LYRM4: variants seen among roughly 807,000 people sequenced by gnomAD.
LYRM4 encodes the protein LYR motif-containing protein 4.
In LYRM4, 9 loss-of-function variants were observed where a neutral mutation model predicts 11.7. The ratio of observed to expected loss-of-function variants is 0.77; its 90% CI spans 0.46 to 1.34. The LOEUF (loss-of-function observed/expected upper bound fraction) is 1.34. Ranked by LOEUF, LYRM4 falls within the 40% of genes most tolerant of loss-of-function variation. The pLI is 0.00. For missense variants in LYRM4, 133 were observed against 112.5 expected (o/e 1.18, Z -0.82); for synonymous variants, 42 against 40.4 (o/e 1.04, Z -0.15).
the LYRM4 span, among the ~76,000 whole-genome samples, chr6:5,064,084 GT>G: frequency 1.3e-5 from 2 of 152,176 alleles, no homozygotes; most frequent in African/African-American, 4.8e-5. Flanking sequence ...CTCAACTTGT[GT>G]TTGGCTTTTG....
chr6:5,086,411 G>A, the LYRM4 span: 8 of 1,536,262 alleles, frequency 5.2e-6, no homozygotes, highest in Admixed American at 2.0e-5. Context: ...CTGCCCCCGG[G>A]CCTGCAGCCT....
intron 2 of LYRM4, among the ~76,000 whole-genome samples, chr6:5,204,724 C>G (rs1581501257): frequency 6.6e-6 from 1 of 152,224 alleles, no homozygotes; most frequent in South Asian, 2.1e-4. Flanking sequence ...ACAGATCCTC[C>G]CGTGACTTGT....
chr6:5,228,960 C>G (rs9502281), intron 1 of LYRM4, among the ~76,000 whole-genome samples: 1 of 144,360 alleles, frequency 6.9e-6, no homozygotes, highest in Non-Finnish European at 1.5e-5. Flanking sequence ...GCCAAGATCA[C>G]GCCACTGCAC....
At chr6:5,064,183 C>A in the LYRM4 span, among the ~76,000 whole-genome samples, 723 of 146,842 alleles carry the variant, frequency 4.9e-3, 4 homozygotes, top group Non-Finnish European at 8.2e-3. Flanking sequence ...GGAATTTTAT[C>A]CCATCTGCTG....
chr6:5,119,335 C>T (rs1411199897), intron 2 of LYRM4, among the ~76,000 whole-genome samples: 2 of 152,156 alleles, frequency 1.3e-5, no homozygotes, highest in African/African-American at 4.8e-5. Flanking sequence ...AGCATGCCCA[C>T]ACGTCCAGTC....
chr6:5,093,215 T>C, the LYRM4 span, among the ~76,000 whole-genome samples: 1 of 152,266 alleles, frequency 6.6e-6, no homozygotes, highest in African/African-American at 2.4e-5. Flanking sequence ...GATGAATTTA[T>C]GTATTGGTGC....
chr6:5,109,354 C>G lies in LYRM4; in HGVS notation c.*69G>C. 6.2e-7 allele frequency: 1 copy of G among 1,605,506 alleles called. No homozygotes were observed. The highest frequency in any genetic ancestry group is 1.3e-5 in the African/African-American group (1 of 74,902). On this transcript the variant is annotated 3_prime_UTR_variant, in exon 3 of 3. Transcript: ENST00000330636. The stretch of plus-strand genomic sequence containing the variant: ...CTATTGTAAGCTGGTTTTGGGAGCC[C>G]CCATCTCAAACAGAGAGTGGATGCT...
chr6:5,196,149 C>G (rs1761040533), intron 2 of LYRM4, among the ~76,000 whole-genome samples: 1 of 152,114 alleles, frequency 6.6e-6, no homozygotes, highest in Non-Finnish European at 1.5e-5. Context: ...TGGCTCCGAC[C>G]CCGCAGCACT....
the LYRM4 span, among the ~76,000 whole-genome samples, chr6:5,064,854 C>T: frequency 6.6e-6 from 1 of 151,956 alleles, no homozygotes; most frequent in Non-Finnish European, 1.5e-5. Flanking sequence ...GTGTTGGGAA[C>T]ATTAAAATGT....
chr6:5,178,292 A>C (rs1455923939), intron 2 of LYRM4, among the ~76,000 whole-genome samples: 1 of 152,118 alleles, frequency 6.6e-6, no homozygotes, highest in Non-Finnish European at 1.5e-5. Flanking sequence ...CAATTTTCTT[A>C]TGTGTATCAT....
chr6:5,098,462 C>T, the LYRM4 span, among the ~76,000 whole-genome samples: 3 of 152,244 alleles, frequency 2.0e-5, no homozygotes, highest in Non-Finnish European at 2.9e-5. Flanking sequence ...CCCATTTACA[C>T]ATACCCTCGG....
chr6:5,232,826 C>T (rs887498547), intron 1 of LYRM4, among the ~76,000 whole-genome samples: 18 of 152,274 alleles, frequency 1.2e-4, no homozygotes, highest in African/African-American at 4.1e-4. Context: ...GGTATTTGGC[C>T]TCAGTATTGT....
chr6:5,054,048 CA>C, the LYRM4 span: 1 of 837,770 alleles, frequency 1.2e-6, no homozygotes, highest in Non-Finnish European at 1.4e-6. Context: ...ACAGGGTACA[CA>C]ATGTTTTCTA....
the LYRM4 span, among the ~76,000 whole-genome samples, chr6:5,057,945 TC>T: frequency 6.6e-6 from 1 of 151,834 alleles, no homozygotes; most frequent in Non-Finnish European, 1.5e-5. Context: ...AGAGATGGGG[TC>T]ACTTTATGTT....
chr6:5,063,689 A>G, the LYRM4 span, among the ~76,000 whole-genome samples: 6 of 151,964 alleles, frequency 3.9e-5, no homozygotes, highest in African/African-American at 1.5e-4. Flanking sequence ...TCCTCCCCCA[A>G]CAGATCACAT....
chr6:5,247,418 T>C (rs549851706), intron 1 of LYRM4, among the ~76,000 whole-genome samples: 1 of 152,372 alleles, frequency 6.6e-6, no homozygotes, highest in Admixed American at 6.5e-5. Flanking sequence ...AAGGAATTGC[T>C]TTCTCATTTA....
chr6:5,253,911 T>C (rs932907331), intron 1 of LYRM4, among the ~76,000 whole-genome samples: 1 of 151,758 alleles, frequency 6.6e-6, no homozygotes, highest in African/African-American at 2.4e-5. Context: ...CTCGATCAGA[T>C]TGTGATGTGT....
At chr6:5,090,878 CTG>C in the LYRM4 span, among the ~76,000 whole-genome samples, 1 of 152,210 alleles carries the variant, frequency 6.6e-6, no homozygotes, top group Admixed American at 6.5e-5. This position sits in a 1 kb window ranked among gnomAD's most constrained non-coding sequence, Gnocchi z 4.8. Flanking sequence ...CTACTCAGTT[CTG>C]TGTTTCTTTG....
chr6:5,066,840 G>A, the LYRM4 span: 1 of 803,000 alleles, frequency 1.2e-6, no homozygotes, highest in East Asian at 2.5e-5. Context: ...CAGCTGCGGA[G>A]AGGAGTCAGA....
Sources: allele counts gnomAD v4.1 joint callset (sites outside exome capture counted in the v4.1 genomes callset), GRCh38; gene constraint gnomAD v4.1.1; non-coding constraint Gnocchi (gnomAD v3.1); transcripts MANE v1.5; gene names NCBI Gene and HGNC (gene_info 2026-07-23, HGNC 2026-07-21).